NFATC3: variants seen among roughly 807,000 people sequenced by gnomAD.
NFATC3 encodes the protein nuclear factor of activated T-cells, cytoplasmic 3.
NFATC3 carries 46 observed loss-of-function variants against 98.6 expected under a neutral mutation model. The observed-to-expected ratio is 0.47, with a 90% CI of 0.37 to 0.60. The LOEUF (loss-of-function observed/expected upper bound fraction) is 0.60, where lower values mean the gene tolerates loss of function less well. Ranked by LOEUF, NFATC3 falls within the 20% of genes least tolerant of loss-of-function variation. The pLI is 0.00. For missense variants in NFATC3, 1,256 were observed against 1,295.5 expected (o/e 0.97, Z 0.47); for synonymous variants, 512 against 472.2 (o/e 1.08, Z -1.09).
chr16:68,100,629 C>T (rs1433779791), intron 1 of NFATC3, among the ~76,000 whole-genome samples: 1 of 151,212 alleles, frequency 6.6e-6, no homozygotes, highest in African/African-American at 2.4e-5. Flanking sequence ...TGTTTTCATT[C>T]CCACCAGCAG....
At position 68,164,074 on chromosome 16, in the gene NFATC3, G is replaced by A. The variant is rs1424871623; in HGVS notation, c.1602-2769G>A. ...GCGGCTGGGAGGTGGAGGTTGTAGC[G>A]AGCCGAGATCACGCCACTGCACTCC... On this transcript the variant is annotated intron_variant, in intron 4 of 9. Transcript: ENST00000346183. Among the ~76,000 whole-genome samples the A allele has an allele frequency of 2.0e-4, 30 of 151,496 alleles. No individual in the cohort carries two copies. In the South Asian group the frequency reaches 2.7e-3, roughly 14 times the overall value.
At chr16:68,102,043 T>C (rs1457708280) in intron 1 of NFATC3, among the ~76,000 whole-genome samples, 1 of 151,996 alleles carries the variant, frequency 6.6e-6, no homozygotes, top group East Asian at 1.9e-4. Context: ...AGCTTACTGA[T>C]GGTAATAGGA....
Position 68,191,178 on chromosome 16 carries a change from A to T in NFATC3, c.2509A>T (p.Thr837Ser), listed in dbSNP as rs202171217. ...FDSVLFQQDA[T>S]LSGLVNLGCQ... ...TTCAGTTTTGTTTCAGCAGGATGCA[A>T]CTCTTTCTGGTTTAGTGAATCTTGG... Residue 837 changes from threonine (T) to serine (S), a missense_variant, in exon 9 of 10, where the codon ACT (threonine) becomes TCT (serine). Physicochemically the swap from Thr to Ser is moderately conservative, Grantham distance 58. This residue lies in a region of NFATC3 where 636 missense variants were observed against 617.3 expected (regional missense o/e 1.03). Coordinates refer to ENST00000346183, the MANE Select transcript of NFATC3 (RefSeq NM_173165.3). 6.2e-7 allele frequency: 1 copy of T among 1,613,710 alleles called. No individual in the cohort carries two copies. Among genetic ancestry groups the T allele is most frequent in the South Asian group, 1.1e-5 (1 of 91,062 alleles).
At chr16:68,152,107 A>C (rs866892540) in intron 3 of NFATC3, among the ~76,000 whole-genome samples, 1 of 151,408 alleles carries the variant, frequency 6.6e-6, no homozygotes, top group African/African-American at 2.4e-5. Flanking sequence ...TCACGCCTAT[A>C]ATCCCAGCAC....
At chr16:68,131,805 T>C (rs1245071710) in intron 3 of NFATC3, among the ~76,000 whole-genome samples, 2 of 152,140 alleles carry the variant, frequency 1.3e-5, no homozygotes, top group Non-Finnish European at 2.9e-5. Flanking sequence ...ACCACATTTA[T>C]ATGTGAGGCT....
intron 3 of NFATC3, among the ~76,000 whole-genome samples, chr16:68,136,421 A>AGTC: frequency 1.3e-5 from 2 of 152,072 alleles, no homozygotes; most frequent in East Asian, 3.9e-4. Context: ...GGGGCAAACC[A>AGTC]CCACACCTGG....
intron 5 of NFATC3, among the ~76,000 whole-genome samples, chr16:68,170,788 C>T (rs1024225412): frequency 3.3e-5 from 5 of 152,014 alleles, no homozygotes; most frequent in African/African-American, 1.2e-4. Flanking sequence ...CCACTGCGCC[C>T]GGCCTCGATT....
intron 9 of NFATC3, among the ~76,000 whole-genome samples, chr16:68,219,347 C>A (rs2041766567): frequency 6.6e-6 from 1 of 151,952 alleles, no homozygotes; most frequent in South Asian, 2.1e-4. Flanking sequence ...CATGCCACTG[C>A]ACTCCAGCCT....
At chr16:68,090,683 A>G (rs1041926334) in intron 1 of NFATC3, among the ~76,000 whole-genome samples, 3 of 152,328 alleles carry the variant, frequency 2.0e-5, no homozygotes, top group South Asian at 2.1e-4. Context: ...TGATCTGCCA[A>G]ACATTTAAGT....
intron 9 of NFATC3, among the ~76,000 whole-genome samples, chr16:68,223,750 C>CCGGGCACGATGG (rs1478608557): frequency 4.6e-5 from 7 of 151,446 alleles, no homozygotes; most frequent in Non-Finnish European, 8.8e-5. Context: ...CAAAAATTAG[C>CCGGGCACGATGG]CGGGCACGAT....
chr16:68,213,195 C>A (rs1370746953), intron 9 of NFATC3, among the ~76,000 whole-genome samples: 1 of 149,428 alleles, frequency 6.7e-6, no homozygotes, highest in South Asian at 2.1e-4. Context: ...GTGGGTGGAT[C>A]ACAAGGTCAG....
intron 9 of NFATC3, among the ~76,000 whole-genome samples, chr16:68,201,321 C>T (rs1290762635): frequency 6.6e-6 from 1 of 152,110 alleles, no homozygotes; most frequent in Non-Finnish European, 1.5e-5. Flanking sequence ...GCCTTGACCT[C>T]CTGGGACTCA....
intron 3 of NFATC3, among the ~76,000 whole-genome samples, chr16:68,142,305 A>T (rs2037795346): frequency 6.6e-6 from 1 of 152,076 alleles, no homozygotes; most frequent in South Asian, 2.1e-4. Flanking sequence ...TTGTGTAAGT[A>T]CACTTCTAGG....
chr16:68,201,648 A>T (rs74624207), intron 9 of NFATC3, among the ~76,000 whole-genome samples: 1,969 of 151,076 alleles, frequency 0.013, 41 homozygotes, highest in African/African-American at 0.045. Flanking sequence ...TGTTTCTTTT[A>T]AAAAAAAGAA....
At chr16:68,195,789 C>T (rs1325554261) in intron 9 of NFATC3, among the ~76,000 whole-genome samples, 1 of 152,084 alleles carries the variant, frequency 6.6e-6, no homozygotes, top group African/African-American at 2.4e-5. Flanking sequence ...GCCTGGGCAA[C>T]AGTGCAAGAC....
chr16:68,193,023 A>G (rs1471729742), intron 9 of NFATC3, among the ~76,000 whole-genome samples: 1 of 152,158 alleles, frequency 6.6e-6, no homozygotes, highest in Non-Finnish European at 1.5e-5. Flanking sequence ...CCATCTGTGG[A>G]TTGAAAATAT....
At chr16:68,089,364 A>G (rs2034577821) in intron 1 of NFATC3, 6 of 846,250 alleles carry the variant, frequency 7.1e-6, no homozygotes, top group Non-Finnish European at 8.5e-6. Context: ...TTTTAAGACT[A>G]CTGTTTGCGA....
chr16:68,187,977 G>A (rs1037728843), intron 8 of NFATC3, among the ~76,000 whole-genome samples: 1 of 152,076 alleles, frequency 6.6e-6, no homozygotes, highest in Admixed American at 6.5e-5. Context: ...GTCAAGGGGC[G>A]CCTGCAAACC....
At chr16:68,136,445 T>A (rs1324090916) in intron 3 of NFATC3, among the ~76,000 whole-genome samples, 1 of 152,164 alleles carries the variant, frequency 6.6e-6, no homozygotes, top group African/African-American at 2.4e-5. Context: ...CTTTTTGTAT[T>A]TTTTGTAGAG....
Sources: gnomAD v4.1 joint callset for allele counts (sites outside exome capture counted in the v4.1 genomes callset) on GRCh38, gnomAD v4.1.1 for gene constraint, gnomAD v4.1.1 regional missense constraint, MANE v1.5 for transcripts, NCBI Gene and HGNC (gene_info 2026-07-23, HGNC 2026-07-21) for gene names.